The following RHOD variants were observed in gnomAD, a reference collection of about 807,000 sequenced individuals.
RHOD encodes the protein ras homolog family member D.
In RHOD, 11 loss-of-function variants were observed where a neutral mutation model predicts 16.7. The ratio of observed to expected loss-of-function variants is 0.66; its 90% CI spans 0.41 to 1.09. RHOD has a LOEUF of 1.09. Ranked by LOEUF, RHOD falls within the 50% of genes least tolerant of loss-of-function variation. The pLI is 0.00. For synonymous variants in RHOD, 124 were observed against 126.3 expected (o/e 0.98, Z 0.12); for missense variants, 271 against 291.7 (o/e 0.93, Z 0.52).
At chr11:67,061,665 C>A (rs1208954211) in intron 1 of RHOD, among the ~76,000 whole-genome samples, 1 of 144,670 alleles carries the variant, frequency 6.9e-6, no homozygotes, top group Non-Finnish European at 1.5e-5. Context: ...ACCCGGGAGG[C>A]GGACCTTGCA....
In RHOD at chr11:67,071,494, C is replaced by G; in HGVS notation, c.525C>G (p.Leu175=). 1 of 1,610,944 alleles carries G rather than the reference C, an allele frequency of 6.2e-7. No homozygotes were observed. The highest frequency in any genetic ancestry group is 1.1e-5 in the South Asian group (1 of 91,010). Reference sequence around the variant, plus strand: ...CCTACCTCGAGTGCTCGGCTCGGCTCCATGACAACGTCCACGCCGTCTTCC... The same window carrying G: ...CCTACCTCGAGTGCTCGGCTCGGCTGCATGACAACGTCCACGCCGTCTTCC... ...AVAYLECSAR[L]HDNVHAVFQE... is the part of the protein sequence containing the mutation. The change falls in exon 5 of 5, where the codon CTC becomes CTG. Residue 175 remains leucine, a synonymous_variant. Coordinates refer to ENST00000308831, the MANE Select transcript of RHOD (RefSeq NM_014578.4).
rs913294223 is a variant in RHOD, at chr11:67,071,300, T to A, written c.466-135T>A. The A allele has an allele frequency of 1.4e-5, 9 of 665,064 alleles. No individual in the cohort carries two copies. The African/African-American group carries it at 1.7e-4, about 13-fold the overall frequency. The allele number at this position is 665,064 out of a possible 1,614,324, so 41.2% of individuals were successfully genotyped here. On this transcript the variant is annotated intron_variant, in intron 4 of 4. Coordinates refer to ENST00000308831, the MANE Select transcript of RHOD (RefSeq NM_014578.4). ...AACATGATGAAGTGCATGAGGGCGC[T>A]TGGGCAAGCAGGGATACGGGAGCCA...
At position 67,056,911 on chromosome 11, in the gene RHOD, G is replaced by A; in HGVS notation, c.9G>A (p.Ala3=). MT[A]AQAAGEEAPP... ...CAGCGCCCGGCCCCGGGATGACGGC[G>A]GCCCAGGCCGCGGGTGAGGAGGCGC... Residue 3 remains alanine (A), a synonymous_variant, in exon 1 of 5, where the codon GCG becomes GCA. Transcript: ENST00000308831. 9.6e-6 allele frequency: 14 copies of A among 1,457,296 alleles called. No homozygotes were observed. The highest frequency in any genetic ancestry group is 1.5e-5 in the African/African-American group (1 of 67,392). 90.3% of individuals were successfully genotyped at this position (1,457,296 alleles called of 1,614,324 possible).
At chr11:67,067,634 TTC>T (rs1382351895) in intron 3 of RHOD, among the ~76,000 whole-genome samples, 1 of 152,164 alleles carries the variant, frequency 6.6e-6, no homozygotes, top group Non-Finnish European at 1.5e-5. Context: ...TCTGGTGCTG[TTC>T]TGGGCATTGG....
rs187749685 is a variant in RHOD at position 67,070,533 on chromosome 11, G to C, written c.439G>C (p.Gly147Arg). 6.2e-7 allele frequency: 1 copy of C among 1,614,118 alleles called. No homozygotes were observed. The highest frequency in any genetic ancestry group is 8.5e-7 in the Non-Finnish European group (1 of 1,180,024). The part of the protein sequence containing the change: ...KSLVNKLRRN[G>R]LEPVTYHRGQ... ...ACTGGTGAACAAGCTCCGAAGAAAC[G>C]GATTGGAGCCTGTGACCTACCACAG... Residue 147 changes from glycine (G) to arginine (R), a missense_variant, in exon 4 of 5, where the codon GGA (glycine) becomes CGA (arginine). Gly to Arg is a moderately radical substitution (Grantham distance 125). Transcript: ENST00000308831.
At chr11:67,060,683 C>G (rs1854874784) in intron 1 of RHOD, among the ~76,000 whole-genome samples, 1 of 152,244 alleles carries the variant, frequency 6.6e-6, no homozygotes, top group Admixed American at 6.5e-5. Flanking sequence ...TGGGCATCAT[C>G]AGAAAGTGAA....
At position 67,060,354 on chromosome 11, in the gene RHOD, G is replaced by T. The variant is rs537386937; in HGVS notation, c.132+3320G>T. Among the ~76,000 whole-genome samples, 73 of 152,372 alleles carry T rather than the reference G, an allele frequency of 4.8e-4. 1 individual carries two copies. In the South Asian group the frequency reaches 0.015, roughly 32 times the overall value. ...GCACAGGCCCAGTCCTTCTTTTCTG[G>T]CTGAGGACGGCTTAACAGATAAAAT... On this transcript the variant is annotated intron_variant, in intron 1 of 4. Coordinates refer to ENST00000308831, the MANE Select transcript of RHOD (RefSeq NM_014578.4).
chr11:67,070,593 G>A, intron 4 of RHOD, 34 bp downstream of exon 4: 1 of 1,612,550 alleles, frequency 6.2e-7, no homozygotes. Context: ...GAGTTGGGGA[G>A]GACTGAGTGA....
chr11:67,070,533 G>A lies in RHOD; in HGVS notation c.439G>A (p.Gly147Arg), dbSNP rs187749685. ...KSLVNKLRRNGLEPVTYHRGQ... is the reference protein window; with the variant it reads ...KSLVNKLRRNRLEPVTYHRGQ... ...ACTGGTGAACAAGCTCCGAAGAAAC[G>A]GATTGGAGCCTGTGACCTACCACAG... Residue 147 changes from glycine (G) to arginine (R), a missense_variant, in exon 4 of 5, where the codon GGA becomes AGA. Physicochemically the swap from Gly to Arg is moderately radical, Grantham distance 125. Coordinates refer to ENST00000308831, the MANE Select transcript of RHOD (RefSeq NM_014578.4). The A allele has an allele frequency of 6.3e-5, 102 of 1,614,118 alleles. No homozygotes were observed. Among genetic ancestry groups the A allele is most frequent in the East Asian group, 6.0e-4 (27 of 44,876 alleles).
At chr11:67,068,202 C>T (rs951451372) in intron 3 of RHOD, among the ~76,000 whole-genome samples, 1 of 152,176 alleles carries the variant, frequency 6.6e-6, no homozygotes, top group African/African-American at 2.4e-5. Flanking sequence ...TGGAGGTGTC[C>T]GGCAGGCAGT....
chr11:67,059,825 AGCCCTCGAAGCCCAAGG>A (rs1854864776), intron 1 of RHOD, among the ~76,000 whole-genome samples: 1 of 152,306 alleles, frequency 6.6e-6, no homozygotes. Context: ...TCCTCTAGGC[AGCCCTCGAAGCCCAAGG>A]GGCCAGCAGC....
chr11:67,065,243 T>C (rs1024644847), intron 1 of RHOD, among the ~76,000 whole-genome samples: 1 of 152,236 alleles, frequency 6.6e-6, no homozygotes, highest in Admixed American at 6.5e-5. Context: ...GCCTGGCTAA[T>C]TTTTGTATTT....
chr11:67,060,162 C>G (rs868855065), intron 1 of RHOD, among the ~76,000 whole-genome samples: 23 of 152,328 alleles, frequency 1.5e-4, no homozygotes, highest in Middle Eastern at 6.8e-3. Flanking sequence ...CTGGCTAGAG[C>G]CCCCTGGGTC....
At position 67,065,161 on chromosome 11, in the gene RHOD, C is replaced by T. The variant is rs1854942028; in HGVS notation, c.133-735C>T. ...CGCGATCTCAGCTCACCGCAACGTC[C>T]ACCTCCCGGGTTCAAGCTATTCCCC... On this transcript the variant is annotated intron_variant, in intron 1 of 4. Coordinates refer to ENST00000308831, the MANE Select transcript of RHOD (RefSeq NM_014578.4). Among the ~76,000 whole-genome samples the T allele has an allele frequency of 2.6e-5, 4 of 152,002 alleles. No homozygotes were observed. The South Asian group carries it at 8.3e-4, about 32-fold the overall frequency.
chr11:67,070,708 G>A (rs1195088412), intron 4 of RHOD, 149 bp downstream of exon 4: 1 of 905,546 alleles, frequency 1.1e-6, no homozygotes, highest in African/African-American at 1.7e-5. Flanking sequence ...GAAACTTCCA[G>A]CACTTAGAAA....
Position 67,071,480 on chromosome 11 carries a change from T to TGCTCG in RHOD, c.521_525dup (p.His176GlyfsTer36), listed in dbSNP as rs779964068. 3.1e-6 allele frequency: 5 copies of TGCTCG among 1,607,312 alleles called. No individual in the cohort carries two copies. In the East Asian group the frequency reaches 1.1e-4, roughly 36 times the overall value. On this transcript the variant is annotated frameshift_variant, in exon 5 of 5. Transcript: ENST00000308831. LOFTEE classifies it low-confidence loss of function (END_TRUNC). ...CGTGGGCGCGGTGGCCTACCTCGAGTGCTCGGCTCGGCTCCATGACAACGT... is the reference window on the plus strand; with the variant it reads ...CGTGGGCGCGGTGGCCTACCTCGAGTGCTCGGCTCGGCTCGGCTCCATGACAACGT...
intron 4 of RHOD, 117 bp downstream of exon 4, chr11:67,070,676 T>C: frequency 1.6e-6 from 2 of 1,243,698 alleles, no homozygotes; most frequent in Non-Finnish European, 2.3e-6. Flanking sequence ...GCTGCGGTCG[T>C]CTTAGAGGCT....
intron 1 of RHOD, among the ~76,000 whole-genome samples, chr11:67,059,915 A>G (rs143048064): frequency 6.6e-6 from 1 of 152,372 alleles, no homozygotes; most frequent in East Asian, 1.9e-4. Context: ...GAGCAGCCTG[A>G]GGATTTGGAG....
intron 3 of RHOD, 194 bp from the exon 4 acceptor site, chr11:67,070,231 C>G (rs549239727): frequency 2.9e-6 from 2 of 689,952 alleles, no homozygotes; most frequent in East Asian, 2.9e-5. Context: ...GCCACGGCCT[C>G]GGGGAATTAA....
Sources: allele counts gnomAD v4.1 joint callset (sites outside exome capture counted in the v4.1 genomes callset), GRCh38; gene constraint gnomAD v4.1.1; transcripts MANE v1.5; gene names NCBI Gene and HGNC (gene_info 2026-07-23, HGNC 2026-07-21).